Variants in USP14 observed in about 807,000 individuals in gnomAD.
USP14 encodes ubiquitin carboxyl-terminal hydrolase 14.
USP14 carries 38 observed loss-of-function variants against 76.5 expected under a neutral mutation model. The observed-to-expected ratio is 0.50, with a 90% CI of 0.38 to 0.65. USP14 has a LOEUF of 0.65. Among genes scored for constraint, USP14 ranks in the 30% least tolerant of loss-of-function variants. The probability of loss-of-function intolerance (pLI) is 0.00; values close to 1 mark genes in which losing one functional copy is unlikely to be tolerated. For missense variants in USP14, 467 were observed against 586.5 expected (o/e 0.80, Z 2.10); for synonymous variants, 192 against 191.7 (o/e 1.00, Z -0.01).
rs752029619 is a variant in USP14, at chr18:214,611, GA to G, written c.*3337del. 2,422 of 1,413,784 alleles carry G rather than the reference GA, an allele frequency of 1.7e-3. 10 individuals carry two copies. The highest frequency in any genetic ancestry group is 0.017 in the African/African-American group (1,159 of 68,356). The allele number at this position is 1,413,784 out of a possible 1,614,324, so 87.6% of individuals were successfully genotyped here. On this transcript the variant is annotated 3_prime_UTR_variant, in exon 16 of 16. Coordinates refer to ENST00000261601, the MANE Select transcript of USP14 (RefSeq NM_005151.4). Reference sequence around the variant, plus strand: ...AAATCTATCACAGTTTTAATAAAAAGAAAAAAAAAAGAAGCTAACTATTTGT... The same window carrying G: ...AAATCTATCACAGTTTTAATAAAAAGAAAAAAAAAGAAGCTAACTATTTGT...
chr18:170,577 A>G (rs1033617399), intron 3 of USP14, among the ~76,000 whole-genome samples: 2 of 152,200 alleles, frequency 1.3e-5, no homozygotes, highest in East Asian at 3.9e-4. Context: ...ACAAGTGATA[A>G]AGCAAAGCAG....
At chr18:201,723 C>T (rs981913617) in intron 10 of USP14, among the ~76,000 whole-genome samples, 4 of 152,268 alleles carry the variant, frequency 2.6e-5, no homozygotes. Context: ...GGCAGGGACT[C>T]TCCAGGATGG....
At chr18:178,596 C>T (rs1323434111) in intron 3 of USP14, among the ~76,000 whole-genome samples, 1 of 152,096 alleles carries the variant, frequency 6.6e-6, no homozygotes, top group Non-Finnish European at 1.5e-5. Flanking sequence ...TTTCTTTGTA[C>T]ACCTTTGCCT....
intron 13 of USP14, among the ~76,000 whole-genome samples, chr18:205,360 A>G (rs1910500999): frequency 6.6e-6 from 1 of 152,228 alleles, no homozygotes; most frequent in African/African-American, 2.4e-5. Flanking sequence ...GTCAAAATAC[A>G]GTACATTTCC....
At chr18:165,666 A>T (rs1343539010) in intron 2 of USP14, among the ~76,000 whole-genome samples, 1 of 152,206 alleles carries the variant, frequency 6.6e-6, no homozygotes, top group Admixed American at 6.5e-5. Flanking sequence ...TAACATAGTA[A>T]GGCACCAAAA....
intron 5 of USP14, among the ~76,000 whole-genome samples, chr18:191,871 TC>T (rs1227581493): frequency 2.0e-5 from 3 of 152,194 alleles, no homozygotes; most frequent in African/African-American, 7.2e-5. Context: ...ATATGCAGTC[TC>T]CCTCTCACTT....
At chr18:178,890 C>T in intron 3 of USP14, 43 bp from the exon 4 acceptor site, 5 of 1,480,294 alleles carry the variant, frequency 3.4e-6, no homozygotes, top group East Asian at 2.3e-5. Flanking sequence ...TAAACATTAC[C>T]AACTTTTAAG....
intron 4 of USP14, among the ~76,000 whole-genome samples, chr18:179,278 G>A (rs1909714936): frequency 6.6e-6 from 1 of 151,946 alleles, no homozygotes; most frequent in African/African-American, 2.4e-5. Flanking sequence ...CTGGTTTTCA[G>A]ACTTCCAAGT....
intron 3 of USP14, among the ~76,000 whole-genome samples, chr18:176,292 T>C (rs1421982925): frequency 6.6e-6 from 1 of 152,140 alleles, no homozygotes; most frequent in African/African-American, 2.4e-5. Context: ...TTGAATGAAG[T>C]GCTGAAACCC....
intron 5 of USP14, 49 bp from the exon 6 acceptor site, chr18:192,793 G>A (rs780219201): frequency 6.3e-7 from 1 of 1,579,736 alleles, no homozygotes; most frequent in South Asian, 1.1e-5. Context: ...CCATTTGAGT[G>A]TTAGAATGAA....
intron 1 of USP14, among the ~76,000 whole-genome samples, chr18:161,675 G>A (rs1018865492): frequency 1.3e-5 from 2 of 152,198 alleles, no homozygotes; most frequent in African/African-American, 4.8e-5. Context: ...TGATGATAGA[G>A]TTGGGATTTG....
At chr18:194,759 C>T (rs1910185141) in intron 6 of USP14, among the ~76,000 whole-genome samples, 1 of 151,994 alleles carries the variant, frequency 6.6e-6, no homozygotes, top group African/African-American at 2.4e-5. Context: ...GGCGAAACCC[C>T]GTCTCTACTA....
chr18:173,442 G>A (rs1018868495), intron 3 of USP14, among the ~76,000 whole-genome samples: 5 of 144,224 alleles, frequency 3.5e-5, no homozygotes, highest in Admixed American at 6.9e-5. Context: ...ACGGAGTTCC[G>A]TTCTTGTTGC....
chr18:197,307 C>G (rs966230593), intron 7 of USP14, among the ~76,000 whole-genome samples: 2 of 152,358 alleles, frequency 1.3e-5, no homozygotes, highest in South Asian at 4.1e-4. Flanking sequence ...TTCCCCTGAT[C>G]ACTTACTGTT....
chr18:189,491 GT>G lies in USP14; in HGVS notation c.405-3341del, dbSNP rs36067290. On this transcript the variant is annotated intron_variant, in intron 5 of 15. Coordinates refer to ENST00000261601, the MANE Select transcript of USP14 (RefSeq NM_005151.4). ...GCTCAGTTTTGTTTGTTTTTTCTTT[GT>G]TTTTTTTTTGAGAAGGAGTCTCACT... is the stretch of plus-strand genomic sequence containing the variant. Among the ~76,000 whole-genome samples the G allele has an allele frequency of 8.2e-5, 12 of 147,202 alleles. 1 individual carries two copies. The highest frequency in any genetic ancestry group is 6.5e-4 in the South Asian group (3 of 4,624).
intron 3 of USP14, among the ~76,000 whole-genome samples, chr18:171,023 A>ATATATATATATATATAGATATAT: frequency 2.1e-5 from 1 of 46,826 alleles, no homozygotes; most frequent in East Asian, 4.5e-4. Flanking sequence ...AAAAAAAAAA[A>ATATATATATATATATAGATATAT]AAATATATAT....
chr18:208,005 GTTAA>G (rs1910574390), intron 13 of USP14, among the ~76,000 whole-genome samples: 1 of 151,928 alleles, frequency 6.6e-6, no homozygotes, highest in African/African-American at 2.4e-5. Context: ...TAGAATTGGT[GTTAA>G]TTTTTTTTTA....
chr18:173,918 T>C (rs1184385546), intron 3 of USP14, among the ~76,000 whole-genome samples: 1 of 152,250 alleles, frequency 6.6e-6, no homozygotes, highest in Non-Finnish European at 1.5e-5. Flanking sequence ...CCATTGATTT[T>C]TATATGTACC....
Position 158,607 on chromosome 18 carries a change from G to GGCC in USP14, c.-83_-81dup. The GGCC allele has an allele frequency of 1.4e-6, 2 of 1,410,370 alleles. No individual in the cohort carries two copies. The highest frequency in any genetic ancestry group is 1.3e-5 in the South Asian group (1 of 77,676). 87.4% of individuals were successfully genotyped at this position (1,410,370 alleles called of 1,614,324 possible). A position where few individuals can be genotyped will look rare whatever the true frequency, so the allele number is the denominator to read the frequency against. ...GCCGCCACCACCGCGCCTCCGCCTC[G>GGCC]GCCGCCGCCGCAGCTGCTCCTGGTC... On this transcript the variant is annotated 5_prime_UTR_variant, in exon 1 of 16. Transcript: ENST00000261601.
Sources: gnomAD v4.1 joint callset for allele counts (sites outside exome capture counted in the v4.1 genomes callset) on GRCh38, gnomAD v4.1.1 for gene constraint, MANE v1.5 for transcripts, NCBI Gene and HGNC (gene_info 2026-07-23, HGNC 2026-07-21) for gene names.